Variants in RASAL2 observed in about 807,000 individuals in gnomAD.
The protein encoded by RASAL2 is ras GTPase-activating protein nGAP.
In RASAL2, 58 loss-of-function variants were observed where a neutral mutation model predicts 128.9. The observed-to-expected ratio is 0.45, with a 90% CI of 0.36 to 0.56. The LOEUF is 0.56. Ranked by LOEUF, RASAL2 falls within the 20% of genes least tolerant of loss-of-function variation. RASAL2 has a pLI of 0.00. For missense variants in RASAL2, 1,360 were observed against 1,601.6 expected (o/e 0.85, Z 2.57); for synonymous variants, 561 against 580.8 (o/e 0.97, Z 0.49).
chr1:178,452,382 G>A, intron 10 of RASAL2, 34 bp from the exon 11 acceptor site: 1 of 1,568,560 alleles, frequency 6.4e-7, no homozygotes, highest in East Asian at 2.2e-5. Flanking sequence ...GTACTTCTGT[G>A]TTTAGAGGTT....
intron 1 of RASAL2, among the ~76,000 whole-genome samples, chr1:178,231,633 A>G (rs113748134): frequency 0.013 from 2,048 of 151,870 alleles, 48 homozygotes; most frequent in African/African-American, 0.046. Context: ...ATACTCACTC[A>G]CAGTTTTTTT....
intron 1 of RASAL2, among the ~76,000 whole-genome samples, chr1:178,149,552 C>T (rs1220982679): frequency 1.3e-5 from 2 of 151,632 alleles, no homozygotes; most frequent in Non-Finnish European, 2.9e-5. Context: ...TTGTCTTTTT[C>T]CATATTGTGC....
At chr1:178,107,896 T>C (rs1200158923) in intron 1 of RASAL2, among the ~76,000 whole-genome samples, 1 of 152,242 alleles carries the variant, frequency 6.6e-6, no homozygotes, top group East Asian at 1.9e-4. Context: ...TTTGTCTGTT[T>C]TGAATAATGC....
chr1:178,130,575 C>T (rs1419860161), intron 1 of RASAL2, among the ~76,000 whole-genome samples: 1 of 152,222 alleles, frequency 6.6e-6, no homozygotes. Context: ...GTTTATCATA[C>T]GGGAAATGTA....
chr1:178,419,447 T>TATTTC (rs1369674930), intron 4 of RASAL2, among the ~76,000 whole-genome samples: 3 of 151,800 alleles, frequency 2.0e-5, no homozygotes, highest in Non-Finnish European at 4.4e-5. Flanking sequence ...CTAAATTTTT[T>TATTTC]ATTTTATTTT....
intron 1 of RASAL2, among the ~76,000 whole-genome samples, chr1:178,139,985 CT>C (rs1392317312): frequency 6.6e-6 from 1 of 152,034 alleles, no homozygotes; most frequent in Non-Finnish European, 1.5e-5. Context: ...CTTTCCTCTA[CT>C]TTTTAATGCT....
chr1:178,235,000 A>G (rs1179505205), intron 1 of RASAL2, among the ~76,000 whole-genome samples: 1 of 152,150 alleles, frequency 6.6e-6, no homozygotes, highest in East Asian at 1.9e-4. Context: ...AATTTTAGTG[A>G]TACTCTTAAA....
intron 1 of RASAL2, among the ~76,000 whole-genome samples, chr1:178,241,835 G>T (rs1336997407): frequency 6.6e-6 from 1 of 152,198 alleles, no homozygotes; most frequent in Non-Finnish European, 1.5e-5. Context: ...TGCATGCAAA[G>T]AAGTGTATGC....
intron 1 of RASAL2, among the ~76,000 whole-genome samples, chr1:178,166,647 T>G (rs1661523374): frequency 1.3e-5 from 2 of 152,244 alleles, no homozygotes; most frequent in Non-Finnish European, 2.9e-5. Flanking sequence ...TTCTAAGCTG[T>G]GTGAATACAA....
At chr1:178,114,653 C>G (rs1015051001) in intron 1 of RASAL2, among the ~76,000 whole-genome samples, 1 of 151,946 alleles carries the variant, frequency 6.6e-6, no homozygotes, top group Non-Finnish European at 1.5e-5. Context: ...TCCCTAGTAG[C>G]TGGGACTACA....
rs1274058869 is a variant in RASAL2, at chr1:178,472,066, T to C, written c.3679-1009T>C. Among the ~76,000 whole-genome samples, 3 of 152,372 alleles carry C rather than the reference T, an allele frequency of 2.0e-5. No individual in the cohort carries two copies. In the South Asian group the frequency reaches 6.2e-4, roughly 32 times the overall value. ...TTCCTGCGTTGTTTTCTGAAAACTA[T>C]AGACTTCATGTTAGAAAGGTTCTAG... On this transcript the variant is annotated intron_variant, in intron 17 of 17. Transcript: ENST00000367649.
intron 3 of RASAL2, among the ~76,000 whole-genome samples, chr1:178,377,815 A>C (rs1168991448): frequency 6.6e-6 from 1 of 152,148 alleles, no homozygotes; most frequent in Non-Finnish European, 1.5e-5. Flanking sequence ...GAAGTATTTT[A>C]AGATTGTTGA....
chr1:178,212,582 C>T (rs1663290452), intron 1 of RASAL2, among the ~76,000 whole-genome samples: 2 of 152,192 alleles, frequency 1.3e-5, no homozygotes, highest in South Asian at 4.1e-4. Context: ...ACGTCCGCCT[C>T]CTGGGTTCAA....
chr1:178,322,584 C>T (rs1005113266), intron 3 of RASAL2, among the ~76,000 whole-genome samples: 2 of 152,140 alleles, frequency 1.3e-5, no homozygotes, highest in Non-Finnish European at 2.9e-5. Context: ...TTAATATGAC[C>T]ACCATCCTTC....
chr1:178,250,770 A>G (rs943393059), intron 1 of RASAL2, among the ~76,000 whole-genome samples: 1 of 152,202 alleles, frequency 6.6e-6, no homozygotes, highest in African/African-American at 2.4e-5. Context: ...ACTTATAAGC[A>G]AACACCTTAC....
intron 9 of RASAL2, among the ~76,000 whole-genome samples, chr1:178,445,909 G>T (rs1228104951): frequency 6.6e-6 from 1 of 152,088 alleles, no homozygotes; most frequent in African/African-American, 2.4e-5. Context: ...ATGATTCCAG[G>T]ATGCACAGTA....
At chr1:178,376,048 G>T (rs923235493) in intron 3 of RASAL2, among the ~76,000 whole-genome samples, 1 of 152,102 alleles carries the variant, frequency 6.6e-6, no homozygotes, top group Admixed American at 6.6e-5. Context: ...ATTTGGGGGT[G>T]GGTGGAGACA....
chr1:178,184,824 T>G (rs1170166277), intron 1 of RASAL2, among the ~76,000 whole-genome samples: 1 of 152,112 alleles, frequency 6.6e-6, no homozygotes, highest in African/African-American at 2.4e-5. Flanking sequence ...ATATAAACTT[T>G]AGGGATAATT....
At chr1:178,441,448 C>A in intron 6 of RASAL2, 101 bp from the exon 7 acceptor site, 2 of 761,616 alleles carry the variant, frequency 2.6e-6, no homozygotes, top group Non-Finnish European at 4.4e-6. Context: ...CAGGACATTT[C>A]GACCTTATCA....
Sources: gnomAD v4.1 joint callset for allele counts (sites outside exome capture counted in the v4.1 genomes callset) on GRCh38, gnomAD v4.1.1 for gene constraint, MANE v1.5 for transcripts, NCBI Gene and HGNC (gene_info 2026-07-23, HGNC 2026-07-21) for gene names.